The following RPSA2 variants were observed in gnomAD, a reference collection of about 807,000 sequenced individuals.
The protein encoded by RPSA2 is small ribosomal subunit protein uS2B.
chr19:23,805,993 A>G, the RPSA2 span, among the ~76,000 whole-genome samples: 47 of 138,628 alleles, frequency 3.4e-4, no homozygotes, highest in Admixed American at 1.5e-3. Flanking sequence ...TGGATTATCT[A>G]TCTGTCTGTC....
the RPSA2 span, chr19:23,827,363 A>G: frequency 1.4e-5 from 22 of 1,579,650 alleles, no homozygotes; most frequent in Non-Finnish European, 1.7e-5. Flanking sequence ...TATTGTTGCC[A>G]TTGAAAACCC....
the RPSA2 span, among the ~76,000 whole-genome samples, chr19:23,816,877 C>A: frequency 6.6e-6 from 1 of 152,128 alleles, no homozygotes; most frequent in East Asian, 1.9e-4. Flanking sequence ...ACAGAAGAGA[C>A]CTGCCCCCAT....
At chr19:23,850,183 C>T in the RPSA2 span, among the ~76,000 whole-genome samples, 1 of 151,060 alleles carries the variant, frequency 6.6e-6, no homozygotes, top group African/African-American at 2.4e-5. Flanking sequence ...TCTGCAGGAG[C>T]ATCCATCCAG....
chr19:23,797,181 C>A, the RPSA2 span, among the ~76,000 whole-genome samples: 1 of 152,148 alleles, frequency 6.6e-6, no homozygotes, highest in Non-Finnish European at 1.5e-5. Flanking sequence ...ACGATCTCAA[C>A]TCACTGCAAC....
chr19:23,763,123 AC>A, the RPSA2 span: 1 of 156,888 alleles, frequency 6.4e-6, no homozygotes, highest in African/African-American at 2.4e-5. Flanking sequence ...ACATCCTGGA[AC>A]CTGGGAAAGG....
the RPSA2 span, among the ~76,000 whole-genome samples, chr19:23,837,726 G>C: frequency 6.6e-6 from 1 of 152,104 alleles, no homozygotes; most frequent in South Asian, 2.1e-4. Context: ...TGTAAAAGGG[G>C]ATGAGTTCTT....
the RPSA2 span, among the ~76,000 whole-genome samples, chr19:23,840,807 A>T: frequency 6.6e-6 from 1 of 151,016 alleles, no homozygotes; most frequent in Non-Finnish European, 1.5e-5. Flanking sequence ...AAATACAAAA[A>T]AAAAATTAGC....
At chr19:23,839,213 G>C in the RPSA2 span, among the ~76,000 whole-genome samples, 6 of 152,304 alleles carry the variant, frequency 3.9e-5, no homozygotes, top group Admixed American at 3.9e-4. Context: ...TTAAGGAGCA[G>C]ATTATTTAAT....
chr19:23,816,034 T>C, the RPSA2 span, among the ~76,000 whole-genome samples: 99 of 151,982 alleles, frequency 6.5e-4, no homozygotes, highest in African/African-American at 2.1e-3. Context: ...CTATTTGACT[T>C]AGTGCTGAAA....
chr19:23,854,930 G>A, the RPSA2 span, among the ~76,000 whole-genome samples: 4 of 152,222 alleles, frequency 2.6e-5, no homozygotes, highest in South Asian at 2.1e-4. Flanking sequence ...CTCATGGTTC[G>A]CATTCTCAAA....
At chr19:23,862,154 TC>T in the RPSA2 span, among the ~76,000 whole-genome samples, 1 of 152,212 alleles carries the variant, frequency 6.6e-6, no homozygotes, top group Non-Finnish European at 1.5e-5. Flanking sequence ...GAATGGGAGT[TC>T]ACTCGTGATT....
the RPSA2 span, among the ~76,000 whole-genome samples, chr19:23,828,651 G>A: frequency 6.7e-6 from 1 of 148,914 alleles, no homozygotes; most frequent in South Asian, 2.2e-4. Flanking sequence ...AATTTGATAA[G>A]ACTTCCTTTT....
the RPSA2 span, among the ~76,000 whole-genome samples, chr19:23,821,649 G>A: frequency 6.6e-6 from 1 of 152,156 alleles, no homozygotes; most frequent in Non-Finnish European, 1.5e-5. Flanking sequence ...CTTGGCTGGG[G>A]GCCTCTTTGT....
the RPSA2 span, among the ~76,000 whole-genome samples, chr19:23,858,110 A>ATT: frequency 6.6e-6 from 1 of 151,162 alleles, no homozygotes; most frequent in African/African-American, 2.4e-5. Flanking sequence ...AAGCAAATAT[A>ATT]TATATATATA....
chr19:23,867,863 G>A, the RPSA2 span, among the ~76,000 whole-genome samples: 18 of 151,442 alleles, frequency 1.2e-4, no homozygotes, highest in Admixed American at 7.9e-4. Flanking sequence ...TGGGACATCA[G>A]GATTTATTAT....
the RPSA2 span, among the ~76,000 whole-genome samples, chr19:23,760,412 C>G: frequency 2.0e-5 from 3 of 152,000 alleles, no homozygotes; most frequent in Non-Finnish European, 4.4e-5. Flanking sequence ...TTTAAAATGT[C>G]TCAGTGGGGA....
chr19:23,870,153 C>A, the RPSA2 span, among the ~76,000 whole-genome samples: 1 of 152,206 alleles, frequency 6.6e-6, no homozygotes, highest in Non-Finnish European at 1.5e-5. Flanking sequence ...GAGCCTCAGG[C>A]ATCATAATTT....
At chr19:23,868,616 G>A in the RPSA2 span, among the ~76,000 whole-genome samples, 1 of 152,224 alleles carries the variant, frequency 6.6e-6, no homozygotes, top group African/African-American at 2.4e-5. Context: ...TAAGACTGCA[G>A]CAGAAAGACA....
the RPSA2 span, among the ~76,000 whole-genome samples, chr19:23,766,838 A>G: frequency 1.3e-5 from 2 of 149,884 alleles, no homozygotes; most frequent in African/African-American, 4.9e-5. Flanking sequence ...GGCTCACTAC[A>G]ATCTTCACCT....
Sources: allele counts gnomAD v4.1 joint callset (sites outside exome capture counted in the v4.1 genomes callset), GRCh38; gene constraint gnomAD v4.1.1; transcripts MANE v1.5; gene names NCBI Gene and HGNC (gene_info 2026-07-23, HGNC 2026-07-21).